Variants in PTPRK observed in about 807,000 individuals in gnomAD.
PTPRK encodes the protein receptor-type tyrosine-protein phosphatase kappa.
PTPRK carries 75 observed loss-of-function variants against 178.0 expected under a neutral mutation model. The ratio of observed to expected loss-of-function variants is 0.42; its 90% CI spans 0.35 to 0.51. PTPRK has a LOEUF of 0.51. Among genes scored for constraint, PTPRK ranks in the 20% least tolerant of loss-of-function variants. The probability of loss-of-function intolerance (pLI) is 0.02; values close to 1 mark genes in which losing one functional copy is unlikely to be tolerated. For missense variants in PTPRK, 1,441 were observed against 1,797.8 expected (o/e 0.80, Z 3.59); for synonymous variants, 637 against 620.6 (o/e 1.03, Z -0.39).
intron 1 of PTPRK, among the ~76,000 whole-genome samples, chr6:128,413,106 T>G (rs1485136606): frequency 1.3e-5 from 2 of 152,210 alleles, no homozygotes; most frequent in Admixed American, 1.3e-4. Context: ...TTTAGTTTAC[T>G]AGAACCAGCT....
rs563474243 is a variant in PTPRK, at chr6:128,162,884, C to A, written c.1162+21548G>T. 3.3e-5 allele frequency among the ~76,000 whole-genome samples: 5 copies of A among 151,478 alleles called. No individual in the cohort carries two copies. The East Asian group carries it at 9.7e-4, about 29-fold the overall frequency. ...AGGTGCTACTTATTTGAACACTGTG[C>A]CAGTTGTTACTCTTAAATTATTAAG... On this transcript the variant is annotated intron_variant, in intron 7 of 29. Transcript: ENST00000368226.
chr6:128,415,520 A>T (rs76919092), intron 1 of PTPRK, among the ~76,000 whole-genome samples: 2 of 150,490 alleles, frequency 1.3e-5, no homozygotes, highest in African/African-American at 4.9e-5. Context: ...AAAAAAAAAA[A>T]TTATTCTCAC....
intron 2 of PTPRK, among the ~76,000 whole-genome samples, chr6:128,344,616 G>A (rs1199903421): frequency 6.6e-6 from 1 of 151,972 alleles, no homozygotes; most frequent in Non-Finnish European, 1.5e-5. Flanking sequence ...CCCAGGTTCA[G>A]GTGATCCTCC....
chr6:128,052,950 C>A (rs148887492), intron 13 of PTPRK, among the ~76,000 whole-genome samples: 2 of 151,968 alleles, frequency 1.3e-5, no homozygotes, highest in Non-Finnish European at 2.9e-5. Flanking sequence ...ATTTTTTTAG[C>A]GCTTTCTGGC....
At chr6:128,193,280 G>GAA (rs778872277) in intron 6 of PTPRK, among the ~76,000 whole-genome samples, 4,286 of 55,914 alleles carry the variant, frequency 0.077, 557 homozygotes, top group African/African-American at 0.084. Context: ...TCCAGCTTGT[G>GAA]AAAAAAAAAA....
intron 6 of PTPRK, among the ~76,000 whole-genome samples, chr6:128,205,978 A>C (rs1320657259): frequency 2.0e-5 from 3 of 151,822 alleles, no homozygotes; most frequent in African/African-American, 7.3e-5. Context: ...CAAAAACATA[A>C]ACAGAAGCTT....
At chr6:128,333,010 T>C (rs1008093711) in intron 2 of PTPRK, among the ~76,000 whole-genome samples, 1 of 152,164 alleles carries the variant, frequency 6.6e-6, no homozygotes, top group Non-Finnish European at 1.5e-5. Flanking sequence ...TACATAGTAG[T>C]GAAAAGTTTT....
chr6:128,305,126 A>G (rs1463650626), intron 3 of PTPRK, among the ~76,000 whole-genome samples: 1 of 152,148 alleles, frequency 6.6e-6, no homozygotes, highest in Non-Finnish European at 1.5e-5. Context: ...AAGAGTCGAT[A>G]CTCTTTTTAC....
rs1357389766 is a variant in PTPRK at position 127,990,878 on chromosome 6, C to T, written c.2987G>A (p.Cys996Tyr). The T allele has an allele frequency of 6.3e-6, 10 of 1,589,698 alleles. No individual in the cohort carries two copies. Among genetic ancestry groups the T allele is most frequent in the Non-Finnish European group, 8.6e-6 (10 of 1,158,400 alleles). Residue 996 changes from cysteine to tyrosine, a missense_variant, in exon 21 of 30, where the codon TGC becomes TAC. This residue lies in a region of PTPRK where 945 missense variants were observed against 1,080.6 expected (regional missense o/e 0.87). Transcript: ENST00000368226. ...AGTATCATCAGGCCAATATTTATAG[C>T]ATTTAACCTAAGTGACAAAAAGAAT... ...TNLVEVGRVK[C>Y]YKYWPDDTEV...
intron 7 of PTPRK, among the ~76,000 whole-genome samples, chr6:128,158,868 A>G (rs1798303126): frequency 6.6e-6 from 1 of 151,864 alleles, no homozygotes; most frequent in East Asian, 1.9e-4. Flanking sequence ...CTTTACTCCT[A>G]TATACAGTAT....
chr6:127,983,770 C>T (rs1775627396), intron 22 of PTPRK, among the ~76,000 whole-genome samples: 1 of 152,104 alleles, frequency 6.6e-6, no homozygotes, highest in Non-Finnish European at 1.5e-5. Flanking sequence ...AGTTGTGTGT[C>T]CTCTGGCAAC....
At chr6:128,317,480 T>A (rs1828169915) in intron 3 of PTPRK, among the ~76,000 whole-genome samples, 1 of 152,028 alleles carries the variant, frequency 6.6e-6, no homozygotes, top group Non-Finnish European at 1.5e-5. Context: ...TAGATATATA[T>A]TTTTTTAAAT....
intron 1 of PTPRK, among the ~76,000 whole-genome samples, chr6:128,483,655 C>A (rs1310034992): frequency 6.6e-6 from 1 of 151,766 alleles, no homozygotes; most frequent in Admixed American, 6.6e-5. Flanking sequence ...TCAGACATTG[C>A]ACAATGCATT....
chr6:128,520,434 A>G lies in PTPRK; in HGVS notation c.-76T>C. ...ATCGCCGCGAAATCCACGACGGAGG[A>G]GCGGGCCGGGCCTCGCGGGGTGAGG... On this transcript the variant is annotated 5_prime_UTR_variant, in exon 1 of 30. Coordinates refer to ENST00000368226, the MANE Select transcript of PTPRK (RefSeq NM_002844.4). 7.0e-7 allele frequency: 1 copy of G among 1,434,114 alleles called. No individual in the cohort carries two copies. The allele number at this position is 1,434,114 out of a possible 1,614,324, so 88.8% of individuals were successfully genotyped here.
At chr6:128,199,906 A>C (rs1805607023) in intron 6 of PTPRK, among the ~76,000 whole-genome samples, 1 of 152,180 alleles carries the variant, frequency 6.6e-6, no homozygotes, top group African/African-American at 2.4e-5. Flanking sequence ...CCATCTGCAA[A>C]AGTTTAGGCA....
intron 2 of PTPRK, among the ~76,000 whole-genome samples, chr6:128,384,240 A>C (rs1421874733): frequency 6.6e-6 from 1 of 152,232 alleles, no homozygotes; most frequent in East Asian, 1.9e-4. Context: ...CACACGCACG[A>C]TAGTCCACAA....
At chr6:128,488,391 A>C (rs546714009) in intron 1 of PTPRK, among the ~76,000 whole-genome samples, 1 of 152,244 alleles carries the variant, frequency 6.6e-6, no homozygotes, top group South Asian at 2.1e-4. Context: ...ACCCTCAAAG[A>C]CACACCTAGG....
intron 1 of PTPRK, among the ~76,000 whole-genome samples, chr6:128,405,332 C>T (rs12526867): frequency 3.3e-5 from 5 of 152,068 alleles, no homozygotes; most frequent in Admixed American, 6.6e-5. Flanking sequence ...CAATTTTGTT[C>T]GGACTATTTT....
intron 1 of PTPRK, among the ~76,000 whole-genome samples, chr6:128,476,864 G>C (rs1851436413): frequency 6.6e-6 from 1 of 150,878 alleles, no homozygotes; most frequent in Non-Finnish European, 1.5e-5. Flanking sequence ...CAACGAGTAT[G>C]GGTACTTTCT....
Sources: gnomAD v4.1 joint callset for allele counts (sites outside exome capture counted in the v4.1 genomes callset) on GRCh38, gnomAD v4.1.1 for gene constraint, gnomAD v4.1.1 regional missense constraint, MANE v1.5 for transcripts, NCBI Gene and HGNC (gene_info 2026-07-23, HGNC 2026-07-21) for gene names.